The following PSD3 variants were observed in gnomAD, a reference collection of about 807,000 sequenced individuals.
The protein encoded by PSD3 is pleckstrin and Sec7 domain containing 3, also known as PH and SEC7 domain-containing protein 3.
In PSD3, 49 loss-of-function variants were observed where a neutral mutation model predicts 105.5. That is an observed-to-expected ratio of 0.46 (90% CI 0.37 to 0.59). PSD3 has a LOEUF of 0.59. Among genes scored for constraint, PSD3 ranks in the 20% least tolerant of loss-of-function variants. The pLI, the probability that PSD3 is intolerant of heterozygous loss-of-function variation, is 0.00. For missense variants in PSD3, 1,561 were observed against 1,263.8 expected (o/e 1.24, Z -3.57); for synonymous variants, 557 against 457.8 (o/e 1.22, Z -2.77).
intron 11 of PSD3, among the ~76,000 whole-genome samples, chr8:18,601,281 T>C (rs972542141): frequency 3.3e-5 from 5 of 152,222 alleles, no homozygotes; most frequent in Non-Finnish European, 7.4e-5. Context: ...ATTTATTATC[T>C]TAATACAATT....
intron 8 of PSD3, among the ~76,000 whole-genome samples, chr8:18,782,532 G>T (rs939286905): frequency 1.3e-5 from 2 of 152,164 alleles, no homozygotes; most frequent in East Asian, 1.9e-4. Context: ...GGGACATCAG[G>T]CAGGCCAGTT....
intron 1 of PSD3, among the ~76,000 whole-genome samples, chr8:19,083,161 TC>T (rs1265410034): frequency 1.3e-5 from 2 of 152,168 alleles, no homozygotes; most frequent in Non-Finnish European, 2.9e-5. Context: ...TCCTTCCGTC[TC>T]ATCCCACCAC....
At chr8:18,805,738 A>G (rs376028071) in intron 4 of PSD3, among the ~76,000 whole-genome samples, 5 of 152,204 alleles carry the variant, frequency 3.3e-5, no homozygotes, top group African/African-American at 1.2e-4. Context: ...CATATTCACT[A>G]ATGTCACCAT....
intron 2 of PSD3, among the ~76,000 whole-genome samples, chr8:18,928,868 G>A (rs371499400): frequency 2.0e-5 from 3 of 150,332 alleles, no homozygotes; most frequent in East Asian, 3.9e-4. Flanking sequence ...TCTTGCTCAA[G>A]ACAAGGTCTC....
At chr8:18,653,597 G>A (rs1808680577) in intron 10 of PSD3, among the ~76,000 whole-genome samples, 2 of 152,140 alleles carry the variant, frequency 1.3e-5, no homozygotes, top group Non-Finnish European at 2.9e-5. Context: ...AAATTTATCT[G>A]ACTCTGAAAT....
In PSD3 at chr8:19,071,466, C is replaced by T. The variant is rs147113279; in HGVS notation, c.324+12740G>A. On this transcript the variant is annotated intron_variant, in intron 1 of 1. Transcript: ENST00000521475. ...TATGGCTCAAGATGCTTCCCTTCTG[C>T]AGAAGACATAGAAGAGGTTAGAAAT... is the stretch of plus-strand genomic sequence containing the variant. Among the ~76,000 whole-genome samples, 712 of 152,226 alleles carry T rather than the reference C, an allele frequency of 4.7e-3. 14 individuals are homozygous for T. The highest frequency in any genetic ancestry group is 0.029 in the East Asian group (152 of 5,170).
intron 4 of PSD3, chr8:18,865,263 TATATATATATATATATATA>T (rs1563360310): frequency 0.062 from 435 of 7,034 alleles, 63 homozygotes; most frequent in East Asian, 0.13. Flanking sequence ...TATATATATA[TATATATATATATATATATA>T]TATATTTTTT....
chr8:18,530,120 T>C lies in PSD3; in HGVS notation c.*5623A>G, dbSNP rs558302711. 1 of 152,700 alleles carries C rather than the reference T, an allele frequency of 6.5e-6. No homozygotes were observed. Among genetic ancestry groups the C allele is most frequent in the South Asian group, 2.1e-4 (1 of 4,826 alleles). 9.5% of individuals were successfully genotyped at this position (152,700 alleles called of 1,614,324 possible). On this transcript the variant is annotated 3_prime_UTR_variant, in exon 16 of 16. Coordinates refer to ENST00000327040, the MANE Select transcript of PSD3 (RefSeq NM_015310.4). ...GGCAGTGTGTTTAAACAAAAGACAC[T>C]GCACTCAGCCACTCACTCAAACACA...
At chr8:18,958,266 A>G (rs1264752688) in intron 1 of PSD3, among the ~76,000 whole-genome samples, 1 of 152,260 alleles carries the variant, frequency 6.6e-6, no homozygotes, top group Non-Finnish European at 1.5e-5. Context: ...ATAATTATGT[A>G]TGCACACAAA....
intron 12 of PSD3, among the ~76,000 whole-genome samples, chr8:18,583,518 C>T (rs563287879): frequency 8.5e-5 from 13 of 152,316 alleles, no homozygotes; most frequent in Non-Finnish European, 1.8e-4. Flanking sequence ...AACTCTTTAA[C>T]ATGGTTCTCT....
intron 4 of PSD3, among the ~76,000 whole-genome samples, chr8:18,856,936 G>C (rs1442327345): frequency 6.6e-6 from 1 of 152,030 alleles, no homozygotes; most frequent in Non-Finnish European, 1.5e-5. Context: ...AAATGACTTA[G>C]ACAGAGAATT....
At chr8:18,951,223 C>T (rs957567534) in intron 1 of PSD3, among the ~76,000 whole-genome samples, 1 of 152,010 alleles carries the variant, frequency 6.6e-6, no homozygotes, top group African/African-American at 2.4e-5. Flanking sequence ...AGTGAGACAC[C>T]ATCTCCACAA....
chr8:18,878,279 A>T (rs532936762), intron 2 of PSD3, among the ~76,000 whole-genome samples: 1 of 152,274 alleles, frequency 6.6e-6, no homozygotes, highest in South Asian at 2.1e-4. Flanking sequence ...CTGTATGTGA[A>T]TCTTATATCC....
At chr8:18,643,937 G>T (rs1807842551) in intron 10 of PSD3, among the ~76,000 whole-genome samples, 1 of 152,220 alleles carries the variant, frequency 6.6e-6, no homozygotes, top group South Asian at 2.1e-4. Context: ...CTGTAGCTAG[G>T]CCGGCTTACA....
chr8:18,866,541 CAA>C (rs1816946841), intron 4 of PSD3, among the ~76,000 whole-genome samples: 1 of 152,150 alleles, frequency 6.6e-6, no homozygotes, highest in African/African-American at 2.4e-5. Context: ...TACTTCAGAC[CAA>C]AGTCTTGTGG....
intron 10 of PSD3, among the ~76,000 whole-genome samples, chr8:18,637,942 G>T (rs1005220073): frequency 1.3e-5 from 2 of 151,978 alleles, no homozygotes; most frequent in African/African-American, 2.4e-5. Flanking sequence ...TAGATCACAA[G>T]GTCAGGAGTT....
At chr8:19,011,310 T>G (rs907086965) in intron 1 of PSD3, among the ~76,000 whole-genome samples, 3 of 152,158 alleles carry the variant, frequency 2.0e-5, no homozygotes, top group African/African-American at 7.2e-5. Flanking sequence ...GAATAATGCA[T>G]GACAAATCAC....
chr8:18,769,210 A>G (rs935154673), intron 8 of PSD3, among the ~76,000 whole-genome samples: 5 of 152,194 alleles, frequency 3.3e-5, no homozygotes, highest in Admixed American at 3.3e-4. Flanking sequence ...TCTTTTTCCA[A>G]GTCAGGTGGT....
chr8:18,593,868 A>G (rs1384205526), intron 12 of PSD3, among the ~76,000 whole-genome samples: 2 of 150,028 alleles, frequency 1.3e-5, no homozygotes, highest in Non-Finnish European at 3.0e-5. Flanking sequence ...GCAAACTATC[A>G]CAAGGACAAA....
Sources: allele counts gnomAD v4.1 joint callset (sites outside exome capture counted in the v4.1 genomes callset), GRCh38; gene constraint gnomAD v4.1.1; transcripts MANE v1.5; gene names NCBI Gene and HGNC (gene_info 2026-07-23, HGNC 2026-07-21).